Variants in NKAIN3 observed in about 807,000 individuals in gnomAD.
NKAIN3 encodes sodium/potassium transporting ATPase interacting 3, also known as sodium/potassium-transporting ATPase subunit beta-1-interacting protein 3.
In NKAIN3, 25 loss-of-function variants were observed where a neutral mutation model predicts 30.2. That is an observed-to-expected ratio of 0.83 (90% CI 0.60 to 1.16). The LOEUF (loss-of-function observed/expected upper bound fraction) is 1.16, where lower values mean the gene tolerates loss of function less well. NKAIN3 is among the 50% of genes most tolerant of loss of function. NKAIN3 has a pLI of 0.00. For missense variants in NKAIN3, 225 were observed against 254.1 expected (o/e 0.89, Z 0.78); for synonymous variants, 91 against 89.6 (o/e 1.02, Z -0.09).
intron 4 of NKAIN3, chr8:62,864,290 A>T (rs983777005): frequency 1.6e-6 from 2 of 1,277,580 alleles, no homozygotes; most frequent in Non-Finnish European, 2.3e-6. Flanking sequence ...GAAGCTGAGG[A>T]CCAGGAAGAG....
intron 1 of NKAIN3, among the ~76,000 whole-genome samples, chr8:62,273,533 C>T (rs1373799644): frequency 6.6e-6 from 1 of 152,166 alleles, no homozygotes; most frequent in Non-Finnish European, 1.5e-5. Context: ...TTCTATCATG[C>T]AGCAGACAGT....
intron 4 of NKAIN3, among the ~76,000 whole-genome samples, chr8:62,747,775 C>T (rs1271217248): frequency 6.6e-6 from 1 of 152,136 alleles, no homozygotes; most frequent in Non-Finnish European, 1.5e-5. Flanking sequence ...ATAACATCAT[C>T]AAGAACAATG....
chr8:62,726,894 G>T (rs1339075093), intron 3 of NKAIN3, among the ~76,000 whole-genome samples: 1 of 151,938 alleles, frequency 6.6e-6, no homozygotes, highest in East Asian at 1.9e-4. Flanking sequence ...AGAAGAAAAT[G>T]ACAAGAACAG....
At chr8:62,522,620 A>G (rs575747932) in intron 1 of NKAIN3, among the ~76,000 whole-genome samples, 10 of 152,198 alleles carry the variant, frequency 6.6e-5, no homozygotes, top group African/African-American at 2.4e-4. Flanking sequence ...AGACAGTGAC[A>G]CTGATGATCC....
intron 3 of NKAIN3, among the ~76,000 whole-genome samples, chr8:62,722,595 G>A (rs1815126257): frequency 6.6e-6 from 1 of 152,124 alleles, no homozygotes; most frequent in East Asian, 1.9e-4. Context: ...CTGCAAGATT[G>A]GTATGATTAC....
chr8:62,614,775 T>C (rs771631659), intron 3 of NKAIN3, among the ~76,000 whole-genome samples: 8 of 151,880 alleles, frequency 5.3e-5, no homozygotes, highest in Non-Finnish European at 1.0e-4. Context: ...CTTCATGTCG[T>C]AGCCACTGCT....
chr8:62,949,307 C>T (rs1290040481), intron 5 of NKAIN3, among the ~76,000 whole-genome samples: 1 of 152,176 alleles, frequency 6.6e-6, no homozygotes, highest in Non-Finnish European at 1.5e-5. Flanking sequence ...CTAATGGAAA[C>T]TTCATTTGTG....
At chr8:62,450,416 C>A (rs1805606152) in intron 1 of NKAIN3, among the ~76,000 whole-genome samples, 1 of 152,114 alleles carries the variant, frequency 6.6e-6, no homozygotes, top group Non-Finnish European at 1.5e-5. Flanking sequence ...GCTAAAAATT[C>A]AACAGGTGAA....
At chr8:62,719,282 C>G (rs188825893) in intron 3 of NKAIN3, among the ~76,000 whole-genome samples, 6 of 152,258 alleles carry the variant, frequency 3.9e-5, no homozygotes, top group African/African-American at 7.2e-5. Flanking sequence ...ACTGTTGCTG[C>G]CACTCTCATC....
At chr8:62,454,424 T>C (rs904831172) in intron 1 of NKAIN3, among the ~76,000 whole-genome samples, 5 of 151,976 alleles carry the variant, frequency 3.3e-5, no homozygotes, top group African/African-American at 4.8e-5. Context: ...GTGGGTTGGA[T>C]TGGACAAGCT....
At chr8:62,559,618 C>A (rs911397753) in intron 1 of NKAIN3, among the ~76,000 whole-genome samples, 2 of 151,968 alleles carry the variant, frequency 1.3e-5, no homozygotes, top group East Asian at 3.9e-4. Context: ...GGGTGGCATA[C>A]ATATAAGAGT....
chr8:62,650,972 A>T (rs184988956), intron 3 of NKAIN3, among the ~76,000 whole-genome samples: 1 of 152,266 alleles, frequency 6.6e-6, no homozygotes, highest in Non-Finnish European at 1.5e-5. Context: ...AGACTTTTTA[A>T]CAAGAATTCT....
At chr8:62,279,907 G>A (rs1454462470) in intron 1 of NKAIN3, among the ~76,000 whole-genome samples, 1 of 152,128 alleles carries the variant, frequency 6.6e-6, no homozygotes, top group Middle Eastern at 3.2e-3. Flanking sequence ...CCAATTTTGT[G>A]AAGAAAGTCA....
intron 3 of NKAIN3, among the ~76,000 whole-genome samples, chr8:62,644,824 A>G (rs1192622534): frequency 1.3e-5 from 2 of 152,198 alleles, no homozygotes; most frequent in Non-Finnish European, 2.9e-5. Flanking sequence ...ACAGATGAGT[A>G]ATAACTGGTT....
intron 3 of NKAIN3, among the ~76,000 whole-genome samples, chr8:62,640,955 T>C (rs1416631632): frequency 2.0e-5 from 3 of 152,070 alleles, no homozygotes; most frequent in Non-Finnish European, 2.9e-5. Flanking sequence ...ACCCTCAGCA[T>C]TATGGTAGTA....
chr8:62,802,176 A>C (rs1351427026), intron 4 of NKAIN3, among the ~76,000 whole-genome samples: 1 of 152,232 alleles, frequency 6.6e-6, no homozygotes, highest in Non-Finnish European at 1.5e-5. Flanking sequence ...GAGAATGGAA[A>C]CAAGTTGGAA....
At chr8:62,638,902 G>T (rs1490720492) in intron 3 of NKAIN3, among the ~76,000 whole-genome samples, 1 of 152,036 alleles carries the variant, frequency 6.6e-6, no homozygotes, top group Non-Finnish European at 1.5e-5. Flanking sequence ...GGCAATTCTG[G>T]CCTCATTGTT....
chr8:62,729,630 C>T (rs1815405395), intron 3 of NKAIN3, among the ~76,000 whole-genome samples: 1 of 151,814 alleles, frequency 6.6e-6, no homozygotes, highest in African/African-American at 2.4e-5. Flanking sequence ...TATCTTTATT[C>T]AACTTTTAAA....
In NKAIN3 at chr8:62,870,502, A is replaced by ATACAATATGTACGTATATATGTATATATG. The variant is rs1563604200; in HGVS notation, c.472-47938_472-47910dup. 6.5e-5 allele frequency among the ~76,000 whole-genome samples: 9 copies of ATACAATATGTACGTATATATGTATATATG among 138,070 alleles called. No homozygotes were observed. The South Asian group carries it at 6.6e-4, about 10-fold the overall frequency. 90.6% of individuals were successfully genotyped at this position (138,070 alleles called of 152,430 possible). On this transcript the variant is annotated intron_variant, in intron 4 of 6. Coordinates refer to ENST00000623646, the MANE Select transcript of NKAIN3 (RefSeq NM_001304533.3). ...ATATAATGTACAATAAGTACAATAT[A>ATACAATATGTACGTATATATGTATATATG]TACAATATGTACGTATATATGTATA...
Sources: allele counts gnomAD v4.1 joint callset (sites outside exome capture counted in the v4.1 genomes callset), GRCh38; gene constraint gnomAD v4.1.1; transcripts MANE v1.5; gene names NCBI Gene and HGNC (gene_info 2026-07-23, HGNC 2026-07-21).